The following ADAR variants were observed in gnomAD, a reference collection of about 807,000 sequenced individuals.
ADAR encodes the protein adenosine deaminase RNA specific.
ADAR carries 41 observed loss-of-function variants against 113.2 expected under a neutral mutation model. The ratio of observed to expected loss-of-function variants is 0.36; its 90% CI spans 0.28 to 0.47. ADAR has a LOEUF of 0.47. Among genes scored for constraint, ADAR ranks in the 20% least tolerant of loss-of-function variants. ADAR has a pLI of 1.00. For missense variants in ADAR, 1,242 were observed against 1,540.9 expected (o/e 0.81, Z 3.25); for synonymous variants, 605 against 572.6 (o/e 1.06, Z -0.81).
intron 2 of ADAR, 113 bp from the exon 3 acceptor site, chr1:154,598,698 T>A (rs369950479): frequency 3.8e-6 from 4 of 1,044,180 alleles, no homozygotes; most frequent in Non-Finnish European, 5.9e-6. Context: ...TTTTCACTTG[T>A]GGAGATGAAG....
chr1:154,627,875 G>A (rs774596142), exon 1 of ADAR: 1 of 518,168 alleles, frequency 1.9e-6, no homozygotes, highest in Non-Finnish European at 3.8e-6. Context: ...ACTTCCTCGG[G>A]ACACGGCCGG....
In ADAR at chr1:154,590,374, A is replaced by T; in HGVS notation, c.2306T>A (p.Phe769Tyr). 2.5e-6 allele frequency: 4 copies of T among 1,614,094 alleles called. No individual in the cohort carries two copies. The highest frequency in any genetic ancestry group is 3.4e-6 in the Non-Finnish European group (4 of 1,180,024). Residue 769 changes from phenylalanine to tyrosine, a missense_variant, in exon 7 of 15, where the codon TTC becomes TAC. By Grantham distance (22) the Phe-to-Tyr change is conservative. Coordinates refer to ENST00000368474, the MANE Select transcript of ADAR (RefSeq NM_001111.5). Reference sequence around the variant, plus strand: ...CTTGCTGTGTGCGCAGACGGCTGGGAACCAGCGACCCCCAACTTTTGCTTG... The same window carrying T: ...CTTGCTGTGTGCGCAGACGGCTGGGTACCAGCGACCCCCAACTTTTGCTTG... The part of the protein sequence containing the change: ...VYQAKVGGRW[F>Y]PAVCAHSKKQ...
At chr1:154,606,079 A>G (rs758703403) in intron 1 of ADAR, 38 of 364,764 alleles carry the variant, frequency 1.0e-4, no homozygotes, top group Non-Finnish European at 1.3e-4. Context: ...ATCTCGGCTC[A>G]CTGCAATCAG....
intron 12 of ADAR, 51 bp downstream of exon 12, chr1:154,586,130 C>G (rs373263977): frequency 4.5e-5 from 72 of 1,608,666 alleles, no homozygotes; most frequent in Non-Finnish European, 6.0e-5. Flanking sequence ...AGTTTGGGAT[C>G]TGGGCACAAG....
upstream of ADAR, among the ~76,000 whole-genome samples, chr1:154,610,809 AAAAAAAAAAAAAAAG>A (rs1311954348): frequency 0.024 from 750 of 30,834 alleles, 20 homozygotes; most frequent in Admixed American, 0.15. Flanking sequence ...ACACCGTCTC[AAAAAAAAAAAAAAAG>A]AAAAAAAAAA....
intron 1 of ADAR, among the ~76,000 whole-genome samples, chr1:154,616,156 TG>T (rs1022082574): frequency 1.3e-5 from 2 of 152,130 alleles, no homozygotes; most frequent in Non-Finnish European, 2.9e-5. Context: ...CAGGGGAAGG[TG>T]TTAGGTTCAC....
At chr1:154,611,724 C>CGTG (rs1571139073), upstream of ADAR, among the ~76,000 whole-genome samples, 1 of 152,168 alleles carries the variant, frequency 6.6e-6, no homozygotes, top group African/African-American at 2.4e-5. Context: ...TAAAGAATGG[C>CGTG]TCACCTCCCC....
At chr1:154,593,379 C>T (rs796474980) in intron 6 of ADAR, among the ~76,000 whole-genome samples, 1 of 152,198 alleles carries the variant, frequency 6.6e-6, no homozygotes, top group Non-Finnish European at 1.5e-5. Flanking sequence ...CAGCACTCTG[C>T]ATTCACCTCC....
At chr1:154,607,474 A>G (rs1392900023) in intron 1 of ADAR, among the ~76,000 whole-genome samples, 1 of 152,054 alleles carries the variant, frequency 6.6e-6, no homozygotes, top group East Asian at 1.9e-4. Flanking sequence ...AGGTGAGCTG[A>G]GGATAGTGTG....
At chr1:154,605,852 GA>G (rs993099098) in intron 1 of ADAR, among the ~76,000 whole-genome samples, 4 of 150,982 alleles carry the variant, frequency 2.6e-5, no homozygotes, top group Non-Finnish European at 4.4e-5. Flanking sequence ...GTGACCTTGG[GA>G]AAAAAAAATT....
upstream of ADAR, among the ~76,000 whole-genome samples, chr1:154,610,917 G>A (rs997580421): frequency 1.3e-5 from 2 of 151,678 alleles, no homozygotes; most frequent in African/African-American, 4.8e-5. Flanking sequence ...GGGTACCGGT[G>A]ATGTTCTAGC....
rs1463382499 is a variant in ADAR at position 154,602,227 on chromosome 1, G to C, written c.415C>G (p.Gln139Glu). 65 of 1,614,082 alleles carry C rather than the reference G, an allele frequency of 4.0e-5. No individual in the cohort carries two copies. Among genetic ancestry groups the C allele is most frequent in the Non-Finnish European group, 5.1e-5 (60 of 1,180,040 alleles). The stretch of plus-strand genomic sequence containing the variant: ...AGGAACTTTAAGATCCTTTGTTCCT[G>C]ATCTTGGTAGATACTCAGTTCCTGG... Reference protein sequence around the residue: ...HFQELSIYQDQEQRILKFLEE... With the variant: ...HFQELSIYQDEEQRILKFLEE... Residue 139 changes from glutamine to glutamate, a missense_variant, in exon 2 of 15, where the codon CAG becomes GAG. This residue lies in a region of ADAR where 462 missense variants were observed against 483.1 expected (regional missense o/e 0.96). Transcript: ENST00000368474.
upstream of ADAR, chr1:154,608,297 A>C: frequency 2.1e-6 from 1 of 470,776 alleles, no homozygotes; most frequent in Non-Finnish European, 3.7e-6. Context: ...TACAAGTCGA[A>C]CCCCTCCGCT....
chr1:154,593,890 G>T (rs1054262823), intron 6 of ADAR, among the ~76,000 whole-genome samples: 43 of 146,846 alleles, frequency 2.9e-4, no homozygotes, highest in Non-Finnish European at 2.3e-4. Context: ...TGATTTTTTT[G>T]TTTTTTTTTT....
intron 12 of ADAR, 131 bp downstream of exon 12, chr1:154,586,050 A>T: frequency 7.7e-7 from 1 of 1,296,332 alleles, no homozygotes; most frequent in African/African-American, 1.5e-5. Flanking sequence ...CTGGACACTC[A>T]ATCAATTACT....
Position 154,598,459 on chromosome 1 carries a change from C to T in ADAR, c.1728G>A (p.Lys576=). 6.2e-7 allele frequency: 1 copy of T among 1,614,208 alleles called. No homozygotes were observed. Among genetic ancestry groups the T allele is most frequent in the East Asian group, 2.2e-5 (1 of 44,890 alleles). ...ATGATTCTTCTGATTTTCCACTGTCCTTGGCTTTGGCTTCCTCTAGCAGAA... is the reference window on the plus strand; with the variant it reads ...ATGATTCTTCTGATTTTCCACTGTCTTTGGCTTTGGCTTCCTCTAGCAGAA... The part of the protein sequence containing the change: ...MTILLEEAKA[K]DSGKSEESSH... Residue 576 remains lysine, a synonymous_variant, in exon 3 of 15, where the codon AAG becomes AAA. Transcript: ENST00000368474.
At chr1:154,604,848 A>G (rs997188988) in intron 1 of ADAR, among the ~76,000 whole-genome samples, 4 of 152,188 alleles carry the variant, frequency 2.6e-5, no homozygotes, top group Non-Finnish European at 5.9e-5. Flanking sequence ...GAGCACTCAA[A>G]TCTACTATGT....
chr1:154,617,290 C>G (rs1430521886), intron 1 of ADAR, among the ~76,000 whole-genome samples: 1 of 152,174 alleles, frequency 6.6e-6, no homozygotes, highest in Non-Finnish European at 1.5e-5. Flanking sequence ...CAGAGCCTAA[C>G]TTTTGCACTC....
At chr1:154,585,690 C>T in intron 13 of ADAR, 63 bp downstream of exon 13, 1 of 1,408,164 alleles carries the variant, frequency 7.1e-7, no homozygotes, top group Non-Finnish European at 1.0e-6. Context: ...CATTTTTCCT[C>T]TGTTTACATG....
Sources: gnomAD v4.1 joint callset for allele counts (sites outside exome capture counted in the v4.1 genomes callset) on GRCh38, gnomAD v4.1.1 for gene constraint, gnomAD v4.1.1 regional missense constraint, MANE v1.5 for transcripts, NCBI Gene and HGNC (gene_info 2026-07-23, HGNC 2026-07-21) for gene names.